The following PDE11A variants were observed in gnomAD, a reference collection of about 807,000 sequenced individuals.
The protein encoded by PDE11A is dual 3',5'-cyclic-AMP and -GMP phosphodiesterase 11A.
A neutral mutation model predicts 100.5 loss-of-function variants in PDE11A; 100 were observed. The ratio of observed to expected loss-of-function variants is 1.00; its 90% CI spans 0.85 to 1.18. PDE11A has a LOEUF of 1.18. Ranked by LOEUF, PDE11A falls within the 50% of genes most tolerant of loss-of-function variation. The pLI, the probability that PDE11A is intolerant of heterozygous loss-of-function variation, is 0.00. For synonymous variants in PDE11A, 381 were observed against 420.8 expected (o/e 0.91, Z 1.16); for missense variants, 1,141 against 1,152.6 (o/e 0.99, Z 0.15).
chr2:177,940,985 A>G (rs1309882392), intron 2 of PDE11A, among the ~76,000 whole-genome samples: 1 of 152,202 alleles, frequency 6.6e-6, no homozygotes, highest in Non-Finnish European at 1.5e-5. Context: ...GAGAATATGT[A>G]GTAAAAATTA....
At chr2:177,737,155 G>A (rs959885351) in intron 10 of PDE11A, among the ~76,000 whole-genome samples, 8 of 152,006 alleles carry the variant, frequency 5.3e-5, no homozygotes, top group Admixed American at 1.3e-4. Context: ...CAGGAGAATC[G>A]CTTTAACCCG....
At chr2:178,014,241 G>T in intron 2 of PDE11A, 61 bp downstream of exon 2, 3 of 1,266,440 alleles carry the variant, frequency 2.4e-6, no homozygotes, top group Non-Finnish European at 1.2e-6. Context: ...GTCTTTTAAA[G>T]GAGAATAGCA....
At chr2:177,632,750 T>G (rs1008405585) in intron 19 of PDE11A, among the ~76,000 whole-genome samples, 7 of 152,168 alleles carry the variant, frequency 4.6e-5, no homozygotes, top group Non-Finnish European at 1.0e-4. Flanking sequence ...CCTCAACATT[T>G]TGGATGCCTA....
rs181098927 is a variant in PDE11A, at chr2:177,961,697, A to C, written c.1071+52605T>G. ...TTTACTTACATTTAATTTTATAGGA[A>C]ATTTTAGATCATGACCATAATGGAA... is the stretch of plus-strand genomic sequence containing the variant. On this transcript the variant is annotated intron_variant, in intron 2 of 19. Transcript: ENST00000286063. Among the ~76,000 whole-genome samples the C allele has an allele frequency of 6.6e-5, 10 of 152,300 alleles. No individual in the cohort carries two copies. In the East Asian group the frequency reaches 1.9e-3, roughly 29 times the overall value.
intron 10 of PDE11A, among the ~76,000 whole-genome samples, chr2:177,752,147 G>A (rs1201068569): frequency 1.1e-4 from 16 of 152,148 alleles, no homozygotes; most frequent in Non-Finnish European, 2.4e-4. Flanking sequence ...GGCCTGCATC[G>A]TGACTCTCAG....
chr2:177,654,715 A>G lies in PDE11A; in HGVS notation c.2646+9151T>C, dbSNP rs2080356803. On this transcript the variant is annotated intron_variant, in intron 19 of 19. Transcript: ENST00000286063. ...TTATTTCTCCCAACAGTCACTCTTG[A>G]CAATTTAGGTATTCTCTAAGGTGAT... 2.0e-5 allele frequency among the ~76,000 whole-genome samples: 3 copies of G among 152,190 alleles called. No homozygotes were observed. In the South Asian group the frequency reaches 6.2e-4, roughly 31 times the overall value.
chr2:177,659,122 G>A (rs1432369562), intron 19 of PDE11A, among the ~76,000 whole-genome samples: 3 of 151,994 alleles, frequency 2.0e-5, no homozygotes, highest in African/African-American at 7.3e-5. Context: ...TTAGCCAGGT[G>A]TGGTGGTGCA....
At chr2:178,092,458 C>T (rs1205451481) in intron 2 of PDE11A, 1 of 152,130 alleles carries the variant, frequency 6.6e-6, no homozygotes, top group Non-Finnish European at 1.5e-5. Context: ...TCTAAACGTG[C>T]AATTTTTGAA....
At chr2:177,732,097 G>A (rs1303358001) in intron 10 of PDE11A, among the ~76,000 whole-genome samples, 1 of 152,176 alleles carries the variant, frequency 6.6e-6, no homozygotes, top group Non-Finnish European at 1.5e-5. Flanking sequence ...CCAGCCTTTG[G>A]TCTGTAGGCC....
chr2:177,969,153 C>T (rs980357637), intron 2 of PDE11A, among the ~76,000 whole-genome samples: 1 of 152,092 alleles, frequency 6.6e-6, no homozygotes, highest in African/African-American at 2.4e-5. Flanking sequence ...TCATTCTCAG[C>T]GAACTAACAC....
At chr2:177,889,750 T>C (rs1345734847) in intron 4 of PDE11A, among the ~76,000 whole-genome samples, 2 of 152,120 alleles carry the variant, frequency 1.3e-5, no homozygotes, top group Non-Finnish European at 2.9e-5. Flanking sequence ...CAGTTTCTTA[T>C]CTTTTATACT....
rs1025634580 is a variant in PDE11A at position 177,844,899 on chromosome 2, T to C, written c.1368-4516A>G. On this transcript the variant is annotated intron_variant, in intron 5 of 19. Coordinates refer to ENST00000286063, the MANE Select transcript of PDE11A (RefSeq NM_016953.4). ...GGATCCCAAGGCAGAAGAAGTTTTCTTAGTACAGAACAAAATGAAAAGTCT... is the reference window on the plus strand; with the variant it reads ...GGATCCCAAGGCAGAAGAAGTTTTCCTAGTACAGAACAAAATGAAAAGTCT... 7.3e-3 allele frequency among the ~76,000 whole-genome samples: 1,109 copies of C among 152,160 alleles called. 13 individuals carry two copies. The highest frequency in any genetic ancestry group is 0.025 in the African/African-American group (1,033 of 41,550).
intron 2 of PDE11A, among the ~76,000 whole-genome samples, chr2:178,000,279 T>C (rs1395427705): frequency 6.6e-6 from 1 of 152,184 alleles, no homozygotes; most frequent in African/African-American, 2.4e-5. Context: ...CTGTTAAAAA[T>C]AGAAATTACA....
intron 2 of PDE11A, among the ~76,000 whole-genome samples, chr2:177,945,734 G>A (rs1436515274): frequency 1.3e-5 from 2 of 151,556 alleles, no homozygotes; most frequent in East Asian, 3.9e-4. Flanking sequence ...AGGTGGGGGG[G>A]GTCAGCCCCC....
At position 177,669,538 on chromosome 2, in the gene PDE11A, G is replaced by A. The variant is rs778256443; in HGVS notation, c.2517C>T (p.Phe839=). 49 of 1,478,258 alleles carry A rather than the reference G, an allele frequency of 3.3e-5. No homozygotes were observed. The highest frequency in any genetic ancestry group is 6.8e-5 in the East Asian group (3 of 44,280). 91.6% of individuals were successfully genotyped at this position (1,478,258 alleles called of 1,614,324 possible). The part of the protein sequence containing the change: ...QVAELVTSEF[F]EQGDRERLEL... Reference sequence around the variant, plus strand: ...CTAATCTCTCCCGATCTCCTTGTTCGAAGAACTCACTGGTTACAAGTTCTG... The same window carrying A: ...CTAATCTCTCCCGATCTCCTTGTTCAAAGAACTCACTGGTTACAAGTTCTG... The change falls in exon 18 of 20, where the codon TTC becomes TTT. Residue 839 remains phenylalanine (F), a synonymous_variant. Transcript: ENST00000286063.
intron 10 of PDE11A, among the ~76,000 whole-genome samples, chr2:177,728,538 C>T (rs1184643741): frequency 6.6e-6 from 1 of 152,088 alleles, no homozygotes; most frequent in African/African-American, 2.4e-5. Flanking sequence ...TCTGGGCAGC[C>T]AGCAGCTGTG....
intron 6 of PDE11A, among the ~76,000 whole-genome samples, chr2:177,836,874 C>A (rs1250414127): frequency 6.6e-6 from 1 of 152,174 alleles, no homozygotes; most frequent in East Asian, 1.9e-4. Flanking sequence ...ATGAACCCAC[C>A]AGAAGGAAGA....
chr2:177,781,996 T>C (rs2082461507), intron 9 of PDE11A, among the ~76,000 whole-genome samples: 1 of 152,244 alleles, frequency 6.6e-6, no homozygotes, highest in African/African-American at 2.4e-5. Context: ...ATTAAAATGT[T>C]AATTTTAGTA....
intron 10 of PDE11A, among the ~76,000 whole-genome samples, chr2:177,733,160 T>G (rs1057217272): frequency 1.8e-4 from 27 of 152,236 alleles, no homozygotes; most frequent in Non-Finnish European, 2.9e-4. Flanking sequence ...AGTCAATTTC[T>G]CCAAATGTCA....
Sources: allele counts gnomAD v4.1 joint callset (sites outside exome capture counted in the v4.1 genomes callset), GRCh38; gene constraint gnomAD v4.1.1; transcripts MANE v1.5; gene names NCBI Gene and HGNC (gene_info 2026-07-23, HGNC 2026-07-21).